RBM47: variants seen among roughly 807,000 people sequenced by gnomAD.
RBM47 encodes RNA-binding protein 47.
In RBM47, 21 loss-of-function variants were observed where a neutral mutation model predicts 47.1. That is an observed-to-expected ratio of 0.45 (90% CI 0.32 to 0.64). The LOEUF is 0.64. RBM47 is among the 30% of genes least tolerant of loss of function. RBM47 has a pLI of 0.05. For synonymous variants in RBM47, 375 were observed against 361.7 expected (o/e 1.04, Z -0.42); for missense variants, 708 against 870.9 (o/e 0.81, Z 2.35).
At chr4:40,526,982 G>C (rs1427188839) in intron 2 of RBM47, among the ~76,000 whole-genome samples, 1 of 151,908 alleles carries the variant, frequency 6.6e-6, no homozygotes, top group South Asian at 2.1e-4. Context: ...AACCTCACCA[G>C]GTTTGACGAA....
At chr4:40,465,518 T>G (rs1258004111) in intron 3 of RBM47, among the ~76,000 whole-genome samples, 1 of 152,084 alleles carries the variant, frequency 6.6e-6, no homozygotes, top group African/African-American at 2.4e-5. Flanking sequence ...AAAAATTAGC[T>G]GGGCATGAAA....
chr4:40,556,077 G>A (rs576746943), intron 1 of RBM47, among the ~76,000 whole-genome samples: 27 of 149,360 alleles, frequency 1.8e-4, no homozygotes, highest in Non-Finnish European at 3.1e-4. Context: ...GCTCTGTCGC[G>A]CAGGCTGGAG....
intron 1 of RBM47, among the ~76,000 whole-genome samples, chr4:40,568,912 C>T (rs565566730): frequency 4.0e-5 from 6 of 151,698 alleles, no homozygotes; most frequent in South Asian, 2.1e-4. Flanking sequence ...AACCGGGAGG[C>T]GGAGGTTACA....
At chr4:40,518,218 G>T (rs1199133358) in intron 2 of RBM47, among the ~76,000 whole-genome samples, 1 of 130,220 alleles carries the variant, frequency 7.7e-6, no homozygotes, top group Non-Finnish European at 1.5e-5. Flanking sequence ...ACCCATGTTG[G>T]AGTGCAGTGG....
At chr4:40,616,938 C>T (rs1736804256) in intron 1 of RBM47, among the ~76,000 whole-genome samples, 5 of 140,832 alleles carry the variant, frequency 3.6e-5, no homozygotes, top group Non-Finnish European at 4.5e-5. Flanking sequence ...TGCAGTGGCG[C>T]GATCTTGGCT....
chr4:40,594,987 A>T (rs1217200782), intron 1 of RBM47, among the ~76,000 whole-genome samples: 1 of 152,196 alleles, frequency 6.6e-6, no homozygotes, highest in East Asian at 1.9e-4. Context: ...CACGCAATAG[A>T]CATTCCTCTC....
At chr4:40,518,911 C>T (rs966856967) in intron 2 of RBM47, among the ~76,000 whole-genome samples, 4 of 152,216 alleles carry the variant, frequency 2.6e-5, no homozygotes, top group African/African-American at 9.6e-5. Flanking sequence ...AATCAAGATC[C>T]AGCCCAGGAG....
At chr4:40,519,889 C>T (rs1726030209) in intron 2 of RBM47, among the ~76,000 whole-genome samples, 1 of 151,692 alleles carries the variant, frequency 6.6e-6, no homozygotes, top group Admixed American at 6.6e-5. Context: ...AGGATGGTCT[C>T]GATCTCTTGA....
chr4:40,436,802 T>C (rs1466627520), intron 4 of RBM47, 155 bp from the exon 5 acceptor site: 1 of 753,034 alleles, frequency 1.3e-6, no homozygotes, highest in African/African-American at 1.7e-5. Flanking sequence ...GCTTCCAACA[T>C]TCTATTTCAG....
chr4:40,576,261 G>GA (rs1732314562), intron 1 of RBM47, among the ~76,000 whole-genome samples: 1 of 137,258 alleles, frequency 7.3e-6, no homozygotes, highest in African/African-American at 2.7e-5. Flanking sequence ...TTTTTTGGGG[G>GA]GGGGCGGAGA....
chr4:40,482,649 A>G (rs984321405), intron 2 of RBM47, among the ~76,000 whole-genome samples: 1 of 152,214 alleles, frequency 6.6e-6, no homozygotes, highest in Non-Finnish European at 1.5e-5. Context: ...TTACTTTGTG[A>G]TTTAAAAAGT....
At position 40,562,832 on chromosome 4, in the gene RBM47, A is replaced by G. The variant is rs190750369; in HGVS notation, c.-239-18326T>C. On this transcript the variant is annotated intron_variant, in intron 1 of 6. Coordinates refer to ENST00000295971, the MANE Select transcript of RBM47 (RefSeq NM_001098634.2). ...CAAAAACTTGTTTCATTGATAATATATAGCTGCTCAGGAGCTGCATCATTT... is the reference window on the plus strand; with the variant it reads ...CAAAAACTTGTTTCATTGATAATATGTAGCTGCTCAGGAGCTGCATCATTT... Among the ~76,000 whole-genome samples, 223 of 152,334 alleles carry G rather than the reference A, an allele frequency of 1.5e-3. 1 individual carries two copies. The highest frequency in any genetic ancestry group is 2.4e-3 in the Non-Finnish European group (165 of 68,038).
chr4:40,489,168 T>C (rs908410279), intron 2 of RBM47, among the ~76,000 whole-genome samples: 9 of 152,318 alleles, frequency 5.9e-5, no homozygotes, highest in East Asian at 3.9e-4. Context: ...TGTTTCAGCA[T>C]TGGTCACTCA....
At chr4:40,482,971 T>C (rs769632526) in intron 2 of RBM47, among the ~76,000 whole-genome samples, 19 of 152,224 alleles carry the variant, frequency 1.2e-4, no homozygotes, top group Non-Finnish European at 2.5e-4. Context: ...GAAAGCAATA[T>C]GGAAATAATT....
At chr4:40,430,397 G>T (rs1465156694) in intron 6 of RBM47, among the ~76,000 whole-genome samples, 1 of 152,180 alleles carries the variant, frequency 6.6e-6, no homozygotes, top group Non-Finnish European at 1.5e-5. Context: ...TACTAAAGGA[G>T]AATTAGAAAT....
At chr4:40,466,265 C>CAAAA (rs55805915) in intron 3 of RBM47, among the ~76,000 whole-genome samples, 78 of 91,216 alleles carry the variant, frequency 8.6e-4, no homozygotes, top group South Asian at 2.6e-3. Flanking sequence ...GAGACTGTCT[C>CAAAA]AAAAAAAAAA....
chr4:40,576,107 C>T (rs1241991803), intron 1 of RBM47, among the ~76,000 whole-genome samples: 1 of 152,220 alleles, frequency 6.6e-6, no homozygotes, highest in African/African-American at 2.4e-5. Flanking sequence ...GGCATCTTTC[C>T]TCACCTCCTC....
chr4:40,532,022 T>C (rs1331669798), intron 2 of RBM47, among the ~76,000 whole-genome samples: 1 of 150,970 alleles, frequency 6.6e-6, no homozygotes, highest in African/African-American at 2.4e-5. Flanking sequence ...TCTTTTTTTT[T>C]TTTTTTGAGA....
chr4:40,572,151 G>A (rs1472369615), intron 1 of RBM47, among the ~76,000 whole-genome samples: 1 of 150,346 alleles, frequency 6.7e-6, no homozygotes, highest in Non-Finnish European at 1.5e-5. Context: ...GGGAGGCCGA[G>A]GCGGGTGGAT....
Sources: allele counts gnomAD v4.1 joint callset (sites outside exome capture counted in the v4.1 genomes callset), GRCh38; gene constraint gnomAD v4.1.1; transcripts MANE v1.5; gene names NCBI Gene and HGNC (gene_info 2026-07-23, HGNC 2026-07-21).